Variants in DPYD observed in about 807,000 individuals in gnomAD.
DPYD encodes dihydropyrimidine dehydrogenase [NADP(+)].
In DPYD, 109 loss-of-function variants were observed where a neutral mutation model predicts 116.2. The ratio of observed to expected loss-of-function variants is 0.94; its 90% confidence interval spans 0.80 to 1.10. The LOEUF (loss-of-function observed/expected upper bound fraction) is 1.10, where lower values mean the gene tolerates loss of function less well. Ranked by LOEUF, DPYD falls within the 50% of genes least tolerant of loss-of-function variation. The pLI is 0.00. For synonymous variants in DPYD, 440 were observed against 432.0 expected, an observed-to-expected ratio of 1.02 and a Z score of -0.23; for missense variants, 1,302 against 1,254.5, an observed-to-expected ratio of 1.04 and a Z score of -0.57.
At chr1:97,103,560 T>C (rs889049415) in intron 20 of DPYD, among the ~76,000 whole-genome samples, 1 of 152,122 alleles carries the variant, frequency 6.6e-6, no homozygotes, top group Non-Finnish European at 1.5e-5. Context: ...ACCTGATAAA[T>C]GTAAGCTACA....
chr1:97,347,867 G>T (rs994226482), intron 16 of DPYD, among the ~76,000 whole-genome samples: 51 of 151,650 alleles, frequency 3.4e-4, no homozygotes, highest in African/African-American at 1.1e-3. Context: ...CATTTTTTTT[G>T]CTATAGTCTG....
At chr1:97,484,287 G>A (rs1333841473) in intron 13 of DPYD, among the ~76,000 whole-genome samples, 1 of 152,210 alleles carries the variant, frequency 6.6e-6, no homozygotes, top group Non-Finnish European at 1.5e-5. Flanking sequence ...CTGGGTGACA[G>A]AGCAAGACTC....
intron 18 of DPYD, among the ~76,000 whole-genome samples, chr1:97,245,708 G>A (rs1662673711): frequency 6.6e-6 from 1 of 152,062 alleles, no homozygotes; most frequent in Non-Finnish European, 1.5e-5. Flanking sequence ...ATTATTCTGA[G>A]AACATACAGA....
At chr1:97,758,104 A>G (rs781602036) in intron 3 of DPYD, among the ~76,000 whole-genome samples, 4 of 152,216 alleles carry the variant, frequency 2.6e-5, no homozygotes, top group Admixed American at 6.5e-5. Context: ...GGGAAGACAA[A>G]TAAGAAAATC....
intron 20 of DPYD, among the ~76,000 whole-genome samples, chr1:97,098,907 G>T (rs1650463488): frequency 6.6e-6 from 1 of 152,068 alleles, no homozygotes; most frequent in Non-Finnish European, 1.5e-5. Context: ...CTAAATGGAA[G>T]AAAGTTCACA....
intron 16 of DPYD, among the ~76,000 whole-genome samples, chr1:97,347,125 T>C (rs1268327107): frequency 1.3e-5 from 2 of 151,878 alleles, no homozygotes; most frequent in Non-Finnish European, 2.9e-5. Context: ...TTTCAAGCCT[T>C]ACTGTATTGG....
At chr1:97,697,025 AT>A (rs1661345524) in intron 6 of DPYD, among the ~76,000 whole-genome samples, 1 of 152,084 alleles carries the variant, frequency 6.6e-6, no homozygotes, top group Non-Finnish European at 1.5e-5. Flanking sequence ...TAAGAGAAAA[AT>A]CAGAATGTAT....
chr1:97,842,171 T>TA (rs1670071408), intron 2 of DPYD, among the ~76,000 whole-genome samples: 1 of 151,908 alleles, frequency 6.6e-6, no homozygotes, highest in Admixed American at 6.6e-5. Context: ...GGAAAGATGT[T>TA]AAGCATATTT....
chr1:97,608,532 C>G (rs1571051873), intron 8 of DPYD, among the ~76,000 whole-genome samples: 1 of 151,818 alleles, frequency 6.6e-6, no homozygotes, highest in Non-Finnish European at 1.5e-5. Context: ...TAGGTTTGCT[C>G]TCGGTTTCCC....
chr1:97,781,956 A>G (rs1022088274), intron 3 of DPYD, among the ~76,000 whole-genome samples: 1 of 152,180 alleles, frequency 6.6e-6, no homozygotes, highest in African/African-American at 2.4e-5. Context: ...TCACACAGAA[A>G]CAGGATATGG....
At chr1:97,274,552 G>C (rs575224981) in intron 18 of DPYD, among the ~76,000 whole-genome samples, 44 of 152,092 alleles carry the variant, frequency 2.9e-4, no homozygotes, top group Non-Finnish European at 5.4e-4. Context: ...AAATTACCCA[G>C]CCTTGGGTAT....
At chr1:97,304,954 A>C (rs1301681924) in intron 18 of DPYD, among the ~76,000 whole-genome samples, 2 of 151,912 alleles carry the variant, frequency 1.3e-5, no homozygotes, top group Non-Finnish European at 2.9e-5. Context: ...TTTCTCTCAG[A>C]GGGCCCTCAT....
At chr1:97,861,796 C>T (rs538857290) in intron 2 of DPYD, among the ~76,000 whole-genome samples, 1 of 151,918 alleles carries the variant, frequency 6.6e-6, no homozygotes, top group Admixed American at 6.6e-5. Context: ...GGAGACAATG[C>T]GGAAAGGGAT....
chr1:97,761,270 G>T (rs1291758202), intron 3 of DPYD, among the ~76,000 whole-genome samples: 1 of 151,900 alleles, frequency 6.6e-6, no homozygotes, highest in African/African-American at 2.4e-5. Flanking sequence ...AAAGAAGACT[G>T]CCAATTACAA....
chr1:97,276,476 C>A (rs1664933475), intron 18 of DPYD, among the ~76,000 whole-genome samples: 1 of 151,842 alleles, frequency 6.6e-6, no homozygotes, highest in Non-Finnish European at 1.5e-5. Flanking sequence ...TAAATAACTC[C>A]ATTAAAAAGC....
At chr1:97,123,777 G>T (rs11165786) in intron 20 of DPYD, among the ~76,000 whole-genome samples, 24,343 of 151,736 alleles carry the variant, frequency 0.16, 2,131 homozygotes, top group East Asian at 0.31. Context: ...CAGATTTTTT[G>T]TTGTTGTTGT....
intron 5 of DPYD, 65 bp from the exon 6 acceptor site, chr1:97,699,612 T>C: frequency 6.7e-7 from 1 of 1,492,194 alleles, no homozygotes; most frequent in Non-Finnish European, 9.3e-7. Flanking sequence ...AACATATTTT[T>C]AATGTTTCAA....
intron 20 of DPYD, among the ~76,000 whole-genome samples, chr1:97,130,687 T>TTTCC (rs1227372745): frequency 1.3e-5 from 2 of 149,876 alleles, no homozygotes; most frequent in Non-Finnish European, 3.0e-5. Context: ...CCTTCCTTCC[T>TTTCC]TTCCTTCCCT....
At chr1:97,232,844 T>C (rs527355115) in intron 19 of DPYD, among the ~76,000 whole-genome samples, 16 of 152,316 alleles carry the variant, frequency 1.1e-4, no homozygotes, top group Non-Finnish European at 2.2e-4. Flanking sequence ...AATTTTATAA[T>C]GGAGGCTTAA....
Sources: gnomAD v4.1 joint callset for allele counts (sites outside exome capture counted in the v4.1 genomes callset) on GRCh38, gnomAD v4.1.1 for gene constraint, MANE v1.5 for transcripts, NCBI Gene and HGNC (gene_info 2026-07-23, HGNC 2026-07-21) for gene names.